Variants in CINP observed in about 807,000 individuals in gnomAD.
CINP encodes the protein cyclin dependent kinase 2 interacting protein.
In CINP, 11 loss-of-function variants were observed where a neutral mutation model predicts 20.5. The observed-to-expected ratio is 0.54, with a 90% CI of 0.34 to 0.89. The LOEUF (loss-of-function observed/expected upper bound fraction) is 0.89. Among genes scored for constraint, CINP ranks in the 40% least tolerant of loss-of-function variants. The pLI is 0.02. For missense variants in CINP, 213 were observed against 251.0 expected, an observed-to-expected ratio of 0.85 and a Z score of 1.02; for synonymous variants, 108 against 102.1, an observed-to-expected ratio of 1.06 and a Z score of -0.35.
chr14:102,348,791 G>A, intron 4 of CINP, 32 bp from the exon 5 acceptor site: 1 of 1,589,984 alleles, frequency 6.3e-7, no homozygotes. Context: ...CTTAATGGCA[G>A]TGATTCAAGA....
chr14:102,351,868 G>C lies in CINP; in HGVS notation c.307-1820C>G, dbSNP rs562401287. Among the ~76,000 whole-genome samples, 9 of 152,100 alleles carry C rather than the reference G, an allele frequency of 5.9e-5. No individual in the cohort carries two copies. Among genetic ancestry groups the C allele is most frequent in the African/African-American group, 1.9e-4 (8 of 41,520 alleles). On this transcript the variant is annotated intron_variant, in intron 3 of 4. Coordinates refer to ENST00000216756, the MANE Select transcript of CINP (RefSeq NM_032630.3). This position sits in a 1 kb window ranked among gnomAD's most constrained non-coding sequence, Gnocchi z 4.2. ...TCGATACCATGCCTTCTGACACCAAGTTTTTTTGTTTTTGTTTTTGTTTTT... is the reference window on the plus strand; with the variant it reads ...TCGATACCATGCCTTCTGACACCAACTTTTTTTGTTTTTGTTTTTGTTTTT...
chr14:102,361,502 G>A (rs537370782), intron 1 of CINP, among the ~76,000 whole-genome samples: 12 of 152,162 alleles, frequency 7.9e-5, no homozygotes, highest in Admixed American at 3.3e-4. Flanking sequence ...TCAGCCGGGC[G>A]TGGTGGCGGG....
In CINP at chr14:102,351,860, G is replaced by C. The variant is rs942415262; in HGVS notation, c.307-1812C>G. ...GCCAGAACTCGATACCATGCCTTCT[G>C]ACACCAAGTTTTTTTGTTTTTGTTT... is the stretch of plus-strand genomic sequence containing the variant. On this transcript the variant is annotated intron_variant, in intron 3 of 4. Coordinates refer to ENST00000216756, the MANE Select transcript of CINP (RefSeq NM_032630.3). This position sits in a 1 kb window ranked among gnomAD's most constrained non-coding sequence, Gnocchi z 4.2. Among the ~76,000 whole-genome samples, 3 of 152,098 alleles carry C rather than the reference G, an allele frequency of 2.0e-5. No individual in the cohort carries two copies. Among genetic ancestry groups the C allele is most frequent in the African/African-American group, 7.2e-5 (3 of 41,422 alleles).
rs7160847 is a variant in CINP, at chr14:102,360,292, G to A, written c.8-705C>T. Reference sequence around the variant, plus strand: ...AAGCTCCTTCCTTCCTCAGGCTCACGATGCCCATCCTCCAAGATGCACCCG... The same window carrying A: ...AAGCTCCTTCCTTCCTCAGGCTCACAATGCCCATCCTCCAAGATGCACCCG... On this transcript the variant is annotated intron_variant, in intron 1 of 4. Coordinates refer to ENST00000216756, the MANE Select transcript of CINP (RefSeq NM_032630.3). Among the ~76,000 whole-genome samples the A allele has an allele frequency of 3.7e-3, 561 of 151,874 alleles. 6 individuals carry two copies. The highest frequency in any genetic ancestry group is 0.012 in the African/African-American group (515 of 41,408).
At chr14:102,348,832 T>G (rs1886804616) in intron 4 of CINP, 73 bp from the exon 5 acceptor site, 1 of 1,382,810 alleles carries the variant, frequency 7.2e-7, no homozygotes, top group African/African-American at 1.4e-5. Context: ...GAACTACATT[T>G]TAACAGCTCT....
intron 3 of CINP, 49 bp from the exon 4 acceptor site, chr14:102,350,097 T>C (rs568078231): frequency 1.3e-6 from 2 of 1,531,080 alleles, no homozygotes; most frequent in South Asian, 2.3e-5. Context: ...AAATCTCCAG[T>C]CTCAGATTTA....
At chr14:102,352,849 A>G (rs1035745388) in intron 3 of CINP, among the ~76,000 whole-genome samples, 18 of 151,796 alleles carry the variant, frequency 1.2e-4, no homozygotes, top group Non-Finnish European at 2.1e-4. Flanking sequence ...GGGTTTCACT[A>G]TGTTGGCCAT....
chr14:102,351,636 C>T lies in CINP; in HGVS notation c.307-1588G>A, dbSNP rs903724791. ...AATATCTTAATTCCTTTACTTGGTC[C>T]TTCCAACCACCCTCCAATTACATTG... On this transcript the variant is annotated intron_variant, in intron 3 of 4. Transcript: ENST00000216756. This position sits in a 1 kb window ranked among gnomAD's most constrained non-coding sequence, Gnocchi z 4.2. Among the ~76,000 whole-genome samples, 3 of 152,108 alleles carry T rather than the reference C, an allele frequency of 2.0e-5. No individual in the cohort carries two copies. Among genetic ancestry groups the T allele is most frequent in the Non-Finnish European group, 2.9e-5 (2 of 68,028 alleles).
intron 3 of CINP, among the ~76,000 whole-genome samples, chr14:102,353,724 G>A (rs1334732361): frequency 2.6e-5 from 4 of 152,028 alleles, no homozygotes; most frequent in Non-Finnish European, 5.9e-5. Context: ...AAACTGTCAC[G>A]GCCAAAAGGA....
intron 4 of CINP, 130 bp from the exon 5 acceptor site, chr14:102,348,889 C>T (rs939530098): frequency 1.3e-5 from 10 of 759,056 alleles, no homozygotes; most frequent in East Asian, 2.7e-5. Context: ...AAGAAGGGCC[C>T]GATGGAGTTT....
In CINP at chr14:102,359,563, G is replaced by C. The variant is rs756297430; in HGVS notation, c.32C>G (p.Pro11Arg). The C allele has an allele frequency of 1.2e-6, 2 of 1,610,672 alleles. No homozygotes were observed. Among genetic ancestry groups the C allele is most frequent in the Non-Finnish European group, 1.7e-6 (2 of 1,178,308 alleles). The change falls in exon 2 of 5, where the codon CCC (proline) becomes CGC (arginine). Residue 11 changes from proline (P) to arginine (R), a missense_variant. By Grantham distance (103) the Pro-to-Arg change is moderately radical (BLOSUM62 -2). Coordinates refer to ENST00000216756, the MANE Select transcript of CINP (RefSeq NM_032630.3). ...ACTGACAGATAAGACAGGTTTTCTG[G>C]GCGTTACAGTTCCAAGAGTCTTTGC... is the stretch of plus-strand genomic sequence containing the variant. MEAKTLGTVT[P>R]RKPVLSVSAR...
At chr14:102,353,255 C>A (rs1597747496) in intron 3 of CINP, among the ~76,000 whole-genome samples, 2 of 152,240 alleles carry the variant, frequency 1.3e-5, no homozygotes. Context: ...TCCCTACCCC[C>A]AGGTGTGGGC....
intron 4 of CINP, among the ~76,000 whole-genome samples, chr14:102,348,999 T>G (rs1207598699): frequency 6.6e-6 from 1 of 152,240 alleles, no homozygotes; most frequent in Non-Finnish European, 1.5e-5. Context: ...ACACCTGTAA[T>G]CCCAGCACTT....
In CINP at chr14:102,350,189, A is replaced by C. The variant is rs1027595234; in HGVS notation, c.307-141T>G. ...TAACTAAACACTGTTAACTCTACGT[A>C]CAGCAAATTCCCAGGGAGATGAAGG... On this transcript the variant is annotated intron_variant, in intron 3 of 4. Transcript: ENST00000216756. 3 of 680,600 alleles carry C rather than the reference A, an allele frequency of 4.4e-6. No homozygotes were observed. In the African/African-American group the frequency reaches 5.5e-5, roughly 13 times the overall value. 42.2% of individuals were successfully genotyped at this position (680,600 alleles called of 1,614,324 possible).
intron 3 of CINP, among the ~76,000 whole-genome samples, chr14:102,354,083 A>G (rs1283782788): frequency 1.3e-5 from 2 of 152,186 alleles, no homozygotes; most frequent in Non-Finnish European, 2.9e-5. Context: ...TCTCCAAACA[A>G]ACAAAAAGGT....
At chr14:102,359,926 T>G (rs781224927) in intron 1 of CINP, among the ~76,000 whole-genome samples, 3 of 152,194 alleles carry the variant, frequency 2.0e-5, no homozygotes, top group Non-Finnish European at 4.4e-5. Flanking sequence ...TCACGTTCCC[T>G]TCCCTACAGG....
chr14:102,352,445 C>T, intron 3 of CINP: 4 of 453,008 alleles, frequency 8.8e-6, no homozygotes, highest in South Asian at 6.2e-5. Flanking sequence ...CTTCTTCCCA[C>T]AGCAAACACA....
chr14:102,361,964 G>C (rs1887174555), intron 1 of CINP, among the ~76,000 whole-genome samples: 1 of 152,198 alleles, frequency 6.6e-6, no homozygotes, highest in African/African-American at 2.4e-5. Flanking sequence ...GAGTGTATTT[G>C]CTTGTTTAAT....
chr14:102,348,549 T>G lies in CINP; in HGVS notation c.*8A>C. 1 of 1,606,706 alleles carries G rather than the reference T, an allele frequency of 6.2e-7. No individual in the cohort carries two copies. Among genetic ancestry groups the G allele is most frequent in the African/African-American group, 1.3e-5 (1 of 74,940 alleles). On this transcript the variant is annotated 3_prime_UTR_variant, in exon 5 of 5. Transcript: ENST00000216756. ...GAAGGAGCCAGTGTCCGCAGCCGTC[T>G]CAGGACGTCAGAGAGCTCGGTGGCC...
Sources: allele counts gnomAD v4.1 joint callset (sites outside exome capture counted in the v4.1 genomes callset), GRCh38; gene constraint gnomAD v4.1.1; non-coding constraint Gnocchi (gnomAD v3.1); transcripts MANE v1.5; gene names NCBI Gene and HGNC (gene_info 2026-07-23, HGNC 2026-07-21).